Variants in HCRTR2 observed in about 807,000 individuals in gnomAD.
HCRTR2 encodes the protein hypocretin receptor 2, also known as orexin receptor type 2.
HCRTR2 carries 22 observed loss-of-function variants against 49.0 expected under a neutral mutation model. That is an observed-to-expected ratio of 0.45 (90% CI 0.32 to 0.64). The LOEUF (loss-of-function observed/expected upper bound fraction) is 0.64. HCRTR2 is among the 30% of genes least tolerant of loss of function. HCRTR2 has a pLI of 0.04. For missense variants in HCRTR2, 491 were observed against 559.4 expected (o/e 0.88, Z 1.23); for synonymous variants, 236 against 205.3 (o/e 1.15, Z -1.28).
At chr6:55,131,161 T>C (rs182382048) in intron 1 of HCRTR2, among the ~76,000 whole-genome samples, 2 of 151,922 alleles carry the variant, frequency 1.3e-5, no homozygotes, top group African/African-American at 2.4e-5. Context: ...ATCTTTTTTT[T>C]CATGATGTCA....
intron 1 of HCRTR2, among the ~76,000 whole-genome samples, chr6:55,228,332 A>C (rs1766050973): frequency 7.5e-6 from 1 of 132,640 alleles, no homozygotes; most frequent in African/African-American, 3.1e-5. Context: ...GAGTTTAGGA[A>C]AAAAAATTAA....
Position 55,255,298 on chromosome 6 carries a change from A to T in HCRTR2, c.565A>T (p.Ile189Phe). Reference sequence around the variant, plus strand: ...CTGCATTATAATGATTCCTCAGGCCATCGTCATGGAGTGCAGCACCGTGTT... The same window carrying T: ...CTGCATTATAATGATTCCTCAGGCCTTCGTCATGGAGTGCAGCACCGTGTT... ...VSCIIMIPQA[I>F]VMECSTVFPG... The change falls in exon 3 of 7, where the codon ATC (isoleucine) becomes TTC (phenylalanine). Residue 189 changes from isoleucine to phenylalanine, a missense_variant. By Grantham distance (21) the Ile-to-Phe change is conservative. Coordinates refer to ENST00000370862, the MANE Select transcript of HCRTR2 (RefSeq NM_001384272.1). 1 of 1,614,044 alleles carries T rather than the reference A, an allele frequency of 6.2e-7. No homozygotes were observed. The highest frequency in any genetic ancestry group is 8.5e-7 in the Non-Finnish European group (1 of 1,179,948).
At chr6:55,126,958 G>A (rs886355944) in intron 1 of HCRTR2, among the ~76,000 whole-genome samples, 7 of 152,266 alleles carry the variant, frequency 4.6e-5, no homozygotes, top group Admixed American at 2.6e-4. Context: ...GACTGCTGCT[G>A]TGCTGGCAGC....
intron 1 of HCRTR2, among the ~76,000 whole-genome samples, chr6:55,179,443 C>T (rs547195159): frequency 2.0e-5 from 3 of 152,250 alleles, no homozygotes; most frequent in South Asian, 4.1e-4. Context: ...GATGCCTCTA[C>T]ATTTTTGCTA....
At chr6:55,154,304 G>A (rs12214326) in intron 1 of HCRTR2, among the ~76,000 whole-genome samples, 44,236 of 151,590 alleles carry the variant, frequency 0.29, 7,027 homozygotes, top group Middle Eastern at 0.47. Flanking sequence ...CCAAAACTAC[G>A]CAAAAATACT....
At chr6:55,171,292 T>TG (rs1404718173), upstream of HCRTR2, among the ~76,000 whole-genome samples, 3 of 152,190 alleles carry the variant, frequency 2.0e-5, no homozygotes, top group African/African-American at 7.2e-5. Flanking sequence ...AGTGAGGCAC[T>TG]GGTCTGAAAA....
intron 1 of HCRTR2, among the ~76,000 whole-genome samples, chr6:55,127,416 C>A (rs763023938): frequency 8.5e-5 from 13 of 152,174 alleles, no homozygotes; most frequent in Non-Finnish European, 1.8e-4. Flanking sequence ...CAACCTGCCC[C>A]AATGAGATGA....
At position 55,215,084 on chromosome 6, in the gene HCRTR2, T is replaced by C. The variant is rs1284269824; in HGVS notation, c.224-33555T>C. 2.6e-5 allele frequency among the ~76,000 whole-genome samples: 4 copies of C among 152,236 alleles called. No individual in the cohort carries two copies. The South Asian group carries it at 8.3e-4, about 32-fold the overall frequency. On this transcript the variant is annotated intron_variant, in intron 1 of 6. Coordinates refer to ENST00000370862, the MANE Select transcript of HCRTR2 (RefSeq NM_001384272.1). ...TAGATATTCTGAATCCAGAGCACAA[T>C]GGCCTGCAACTAAGATGAACCCAGA...
intron 1 of HCRTR2, among the ~76,000 whole-genome samples, chr6:55,162,220 G>A (rs1017666285): frequency 6.6e-6 from 1 of 152,108 alleles, no homozygotes; most frequent in African/African-American, 2.4e-5. Context: ...CACAAAAACA[G>A]AACCAATGAC....
intron 1 of HCRTR2, among the ~76,000 whole-genome samples, chr6:55,187,065 T>C (rs1484016542): frequency 1.3e-5 from 2 of 151,526 alleles, no homozygotes; most frequent in African/African-American, 4.9e-5. Flanking sequence ...AAAATATTCA[T>C]CATTATGAAT....
At chr6:55,192,065 T>C (rs1765325064) in intron 1 of HCRTR2, among the ~76,000 whole-genome samples, 1 of 152,294 alleles carries the variant, frequency 6.6e-6, no homozygotes, top group East Asian at 1.9e-4. Flanking sequence ...TCTAAATTTT[T>C]TTTCTATTCA....
chr6:55,190,255 G>A (rs377421023), intron 1 of HCRTR2, among the ~76,000 whole-genome samples: 2 of 152,146 alleles, frequency 1.3e-5, no homozygotes, highest in African/African-American at 4.8e-5. Flanking sequence ...TTATACTCTA[G>A]TGATATTTAG....
chr6:55,192,970 T>C (rs1765346140), intron 1 of HCRTR2, among the ~76,000 whole-genome samples: 1 of 152,190 alleles, frequency 6.6e-6, no homozygotes, highest in African/African-American at 2.4e-5. Context: ...GCGATAACCA[T>C]TTTCAGAGAG....
chr6:55,124,528 C>A, intron 1 of HCRTR2, among the ~76,000 whole-genome samples: 1 of 152,176 alleles, frequency 6.6e-6, no homozygotes. Context: ...GTTTTACTTC[C>A]GATTATGTGG....
intron 1 of HCRTR2, among the ~76,000 whole-genome samples, chr6:55,231,465 A>T (rs1766113133): frequency 6.6e-6 from 1 of 152,172 alleles, no homozygotes; most frequent in Non-Finnish European, 1.5e-5. Context: ...AATATCTGAA[A>T]GTGTTCCACT....
At chr6:55,221,104 T>C (rs1256536526) in intron 1 of HCRTR2, among the ~76,000 whole-genome samples, 1 of 152,184 alleles carries the variant, frequency 6.6e-6, no homozygotes, top group Non-Finnish European at 1.5e-5. Flanking sequence ...GAAAACTCGA[T>C]ATTGTTAAAA....
At chr6:55,173,988 T>C (rs189829535), upstream of HCRTR2, among the ~76,000 whole-genome samples, 4 of 152,294 alleles carry the variant, frequency 2.6e-5, no homozygotes, top group Non-Finnish European at 4.4e-5. Context: ...TTATTGCTTT[T>C]ATATTTGCTT....
At chr6:55,220,993 G>A (rs367777585) in intron 1 of HCRTR2, among the ~76,000 whole-genome samples, 2 of 152,136 alleles carry the variant, frequency 1.3e-5, no homozygotes, top group African/African-American at 4.8e-5. Context: ...GCTTAACCAA[G>A]GAGGCTAACG....
chr6:55,259,563 G>C (rs1453565514), intron 3 of HCRTR2, among the ~76,000 whole-genome samples: 1 of 151,886 alleles, frequency 6.6e-6, no homozygotes, highest in Non-Finnish European at 1.5e-5. Flanking sequence ...TCATCTGAGA[G>C]AAATTAAGTT....
Sources: gnomAD v4.1 joint callset for allele counts (sites outside exome capture counted in the v4.1 genomes callset) on GRCh38, gnomAD v4.1.1 for gene constraint, MANE v1.5 for transcripts, NCBI Gene and HGNC (gene_info 2026-07-23, HGNC 2026-07-21) for gene names.